KIAA1614: variants seen among roughly 807,000 people sequenced by gnomAD.
KIAA1614 encodes the protein uncharacterized protein KIAA1614.
Under a neutral mutation model 88.7 loss-of-function variants are expected in KIAA1614, and 76 were observed. The ratio of observed to expected loss-of-function variants is 0.86; its 90% confidence interval spans 0.71 to 1.04. The LOEUF (loss-of-function observed/expected upper bound fraction) is 1.04. Ranked by LOEUF, KIAA1614 falls within the 50% of genes least tolerant of loss-of-function variation. The probability of loss-of-function intolerance (pLI) is 0.00; values close to 1 mark genes in which losing one functional copy is unlikely to be tolerated. For synonymous variants in KIAA1614, 714 were observed against 675.5 expected (o/e 1.06, Z -0.88); for missense variants, 1,553 against 1,582.5 (o/e 0.98, Z 0.32).
intron 8 of KIAA1614, 51 bp downstream of exon 8, chr1:180,944,567 G>A: frequency 6.3e-7 from 1 of 1,590,224 alleles, no homozygotes; most frequent in Non-Finnish European, 8.6e-7. Flanking sequence ...GTGACCAGCG[G>A]AGCCAAAAGC....
rs368044144 is a variant in KIAA1614 at position 180,916,709 on chromosome 1, G to A, written c.606G>A (p.Leu202=). The A allele has an allele frequency of 6.8e-6, 11 of 1,612,892 alleles. No homozygotes were observed. The African/African-American group carries it at 1.2e-4, about 18-fold the overall frequency. Residue 202 remains leucine, a synonymous_variant, in exon 2 of 9, where the codon CTG becomes CTA. Coordinates refer to ENST00000367588, the MANE Select transcript of KIAA1614 (RefSeq NM_020950.2). ...WTLPDHDRGP[L]LGPSSLQQSP... is the part of the protein sequence containing the mutation. The stretch of plus-strand genomic sequence containing the variant: ...TTCCTGACCATGACAGAGGTCCGCT[G>A]CTGGGGCCCAGCTCTTTGCAACAGA...
intron 4 of KIAA1614, among the ~76,000 whole-genome samples, chr1:180,929,164 G>GT (rs1250783509): frequency 6.6e-6 from 1 of 152,264 alleles, no homozygotes; most frequent in Non-Finnish European, 1.5e-5. Flanking sequence ...AATGGGAACT[G>GT]TAACAGTGCC....
At position 180,920,840 on chromosome 1, in the gene KIAA1614, C is replaced by G. The variant is rs182630084; in HGVS notation, c.1061+2926C>G. ...CGGAGGAGACCCCCGGCCCCCAACC[C>G]CAGGGTTGTCCCCCACTTAATGAGG... On this transcript the variant is annotated intron_variant, in intron 3 of 8. Transcript: ENST00000367588. 2.2e-3 allele frequency among the ~76,000 whole-genome samples: 339 copies of G among 152,266 alleles called. 1 individual carries two copies. The highest frequency in any genetic ancestry group is 7.9e-3 in the African/African-American group (327 of 41,548).
intron 4 of KIAA1614, among the ~76,000 whole-genome samples, chr1:180,931,418 A>G (rs1283964825): frequency 6.6e-6 from 1 of 152,212 alleles, no homozygotes; most frequent in Admixed American, 6.5e-5. Context: ...ATATGTCTCC[A>G]GGACTGCAGC....
intron 4 of KIAA1614, among the ~76,000 whole-genome samples, chr1:180,934,266 A>G (rs555489076): frequency 1.6e-3 from 191 of 115,940 alleles, no homozygotes; most frequent in African/African-American, 2.2e-3. Context: ...AAAAAAAAAA[A>G]AAAAGAAAAG....
At chr1:180,924,328 C>T (rs977094615) in intron 3 of KIAA1614, among the ~76,000 whole-genome samples, 4 of 152,244 alleles carry the variant, frequency 2.6e-5, no homozygotes, top group Non-Finnish European at 5.9e-5. Flanking sequence ...CACCTGCCTC[C>T]TCTGTGGCCA....
At position 180,940,978 on chromosome 1, in the gene KIAA1614, G is replaced by A. The variant is rs1654445966; in HGVS notation, c.2919-67G>A. The A allele has an allele frequency of 5.7e-6, 8 of 1,400,820 alleles. 1 individual carries two copies. Among genetic ancestry groups the A allele is most frequent in the Non-Finnish European group, 7.7e-6 (8 of 1,033,542 alleles). 86.8% of individuals were successfully genotyped at this position (1,400,820 alleles called of 1,614,324 possible). A position where few individuals can be genotyped will look rare whatever the true frequency, so the allele number is the denominator to read the frequency against. ...ATCTGCGGCCCTTGAGATGGCCCCA[G>A]GGTACAGTCTCCCTGGCCACCCTCC... On this transcript the variant is annotated intron_variant, in intron 6 of 8. Coordinates refer to ENST00000367588, the MANE Select transcript of KIAA1614 (RefSeq NM_020950.2).
chr1:180,944,390 T>C lies in KIAA1614; in HGVS notation c.3161T>C (p.Val1054Ala). The change falls in exon 8 of 9, where the codon GTG (valine) becomes GCG (alanine). Residue 1054 changes from valine (V) to alanine (A), a missense_variant and splice_region_variant. By Grantham distance (64) the Val-to-Ala change is moderately conservative (BLOSUM62 0). Transcript: ENST00000367588. ...GCAATATTGTCCCTTTCTCATCAGG[T>C]GTCACCCTCTCACCAGCGTCGGAAA... ...RAPSLQSLHP[V>A]SPSHQRRKAA... The C allele has an allele frequency of 2.5e-6, 4 of 1,613,370 alleles. No homozygotes were observed. The highest frequency in any genetic ancestry group is 1.1e-5 in the South Asian group (1 of 91,038).
chr1:180,928,202 A>T, intron 3 of KIAA1614: 1 of 454,906 alleles, frequency 2.2e-6, no homozygotes, highest in Non-Finnish European at 3.8e-6. Context: ...AGGCCGGGCC[A>T]GCTCCCCAGC....
chr1:180,916,695 G>A lies in KIAA1614; in HGVS notation c.592G>A (p.Asp198Asn). 6.2e-7 allele frequency: 1 copy of A among 1,611,424 alleles called. No homozygotes were observed. The highest frequency in any genetic ancestry group is 1.1e-5 in the South Asian group (1 of 90,644). Residue 198 changes from aspartate to asparagine, a missense_variant, in exon 2 of 9, where the codon GAC (aspartate) becomes AAC (asparagine). Transcript: ENST00000367588. ...PEAEWTLPDH[D>N]RGPLLGPSSL... ...AGCCGAATGGACACTTCCTGACCAT[G>A]ACAGAGGTCCGCTGCTGGGGCCCAG...
At chr1:180,936,811 C>T in intron 5 of KIAA1614, 141 bp downstream of exon 5, 2 of 596,572 alleles carry the variant, frequency 3.4e-6, no homozygotes, top group Non-Finnish European at 5.6e-6. Context: ...CACATACCAC[C>T]TCGGCAGCTC....
At chr1:180,931,354 T>C (rs1291583733) in intron 4 of KIAA1614, among the ~76,000 whole-genome samples, 1 of 152,186 alleles carries the variant, frequency 6.6e-6, no homozygotes, top group African/African-American at 2.4e-5. Context: ...ATTGTGTGGT[T>C]AGGGGAGCAA....
At chr1:180,938,780 A>AC (rs1259929550) in intron 6 of KIAA1614, 69 bp downstream of exon 6, 11 of 1,480,892 alleles carry the variant, frequency 7.4e-6, no homozygotes, top group African/African-American at 5.5e-5. Context: ...GGGGACAGAG[A>AC]CCCCCTGGAG....
chr1:180,926,242 C>T (rs1654064973), intron 3 of KIAA1614, among the ~76,000 whole-genome samples: 1 of 152,104 alleles, frequency 6.6e-6, no homozygotes. Flanking sequence ...CCCCATTTTG[C>T]CTGCTTGTTC....
chr1:180,938,821 T>C lies in KIAA1614; in HGVS notation c.2918+110T>C, dbSNP rs77758372. 3,629 of 967,438 alleles carry C rather than the reference T, an allele frequency of 3.8e-3. 97 individuals are homozygous for C. The African/African-American group carries it at 0.054, about 14-fold the overall frequency. The allele number at this position is 967,438 out of a possible 1,614,324, so 59.9% of individuals were successfully genotyped here. Reference sequence around the variant, plus strand: ...GCATGACCCACCTCCCTGCCCCTAGTCTTCAGAGGATCCCTAGACTGTGAA... The same window carrying C: ...GCATGACCCACCTCCCTGCCCCTAGCCTTCAGAGGATCCCTAGACTGTGAA... On this transcript the variant is annotated intron_variant, in intron 6 of 8. Coordinates refer to ENST00000367588, the MANE Select transcript of KIAA1614 (RefSeq NM_020950.2).
chr1:180,938,433 C>T (rs1489442410), intron 5 of KIAA1614, 122 bp from the exon 6 acceptor site: 1 of 1,121,868 alleles, frequency 8.9e-7, no homozygotes, highest in East Asian at 2.6e-5. Context: ...CCACTGCTCT[C>T]CTTGAGCTCC....
chr1:180,921,723 A>C (rs1014925056), intron 3 of KIAA1614, among the ~76,000 whole-genome samples: 16 of 152,124 alleles, frequency 1.1e-4, no homozygotes, highest in African/African-American at 3.9e-4. Flanking sequence ...CTAGGTCACT[A>C]TTAGGATGAT....
At position 180,950,432 on chromosome 1, in the gene KIAA1614, G is replaced by T; in HGVS notation, c.*4844G>T. On this transcript the variant is annotated 3_prime_UTR_variant, in exon 9 of 9. Coordinates refer to ENST00000367588, the MANE Select transcript of KIAA1614 (RefSeq NM_020950.2). ...CGATGAGATCCTCGAGGTGAACGGG[G>T]CCAAGGTGGCAGGGCTGGGCTTGGC... is the stretch of plus-strand genomic sequence containing the variant. The T allele has an allele frequency of 8.3e-7, 1 of 1,203,732 alleles. No homozygotes were observed. The highest frequency in any genetic ancestry group is 1.1e-6 in the Non-Finnish European group (1 of 945,452). The allele number at this position is 1,203,732 out of a possible 1,614,324, so 74.6% of individuals were successfully genotyped here.
chr1:180,917,972 T>C lies in KIAA1614; in HGVS notation c.1061+58T>C, dbSNP rs1235151963. 4 of 1,446,600 alleles carry C rather than the reference T, an allele frequency of 2.8e-6. No homozygotes were observed. The Admixed American group carries it at 6.9e-5, about 25-fold the overall frequency. The allele number at this position is 1,446,600 out of a possible 1,614,324, so 89.6% of individuals were successfully genotyped here. ...CCCTCCTCACCATGGTCCCTCTATTTACTCAGCATCAGGACAGTAAGAGAC... is the reference window on the plus strand; with the variant it reads ...CCCTCCTCACCATGGTCCCTCTATTCACTCAGCATCAGGACAGTAAGAGAC... On this transcript the variant is annotated intron_variant, in intron 3 of 8. Transcript: ENST00000367588.
Sources: gnomAD v4.1 joint callset for allele counts (sites outside exome capture counted in the v4.1 genomes callset) on GRCh38, gnomAD v4.1.1 for gene constraint, MANE v1.5 for transcripts, NCBI Gene and HGNC (gene_info 2026-07-23, HGNC 2026-07-21) for gene names.